TMEM45B: variants seen among roughly 807,000 people sequenced by gnomAD.
TMEM45B encodes the protein transmembrane protein 45B.
Under a neutral mutation model 27.3 loss-of-function variants are expected in TMEM45B, and 29 were observed. That is an observed-to-expected ratio of 1.06 (90% CI 0.79 to 1.45). The LOEUF is 1.45. TMEM45B is among the 40% of genes most tolerant of loss of function. The pLI is 0.00. For missense variants in TMEM45B, 348 were observed against 343.9 expected, an observed-to-expected ratio of 1.01 and a Z score of -0.09; for synonymous variants, 143 against 134.7, an observed-to-expected ratio of 1.06 and a Z score of -0.43.
intron 1 of TMEM45B, among the ~76,000 whole-genome samples, chr11:129,841,070 G>C (rs1471320090): frequency 1.3e-5 from 2 of 150,418 alleles, no homozygotes; most frequent in Non-Finnish European, 2.9e-5. Flanking sequence ...GCAAAAAATT[G>C]AGCAGCATTT....
chr11:129,841,765 T>A (rs1213961447), intron 1 of TMEM45B, among the ~76,000 whole-genome samples: 1 of 151,702 alleles, frequency 6.6e-6, no homozygotes, highest in Non-Finnish European at 1.5e-5. Context: ...CCCGGCTAAT[T>A]TTTTGTATTT....
At chr11:129,856,405 T>A (rs1947925800) in intron 4 of TMEM45B, among the ~76,000 whole-genome samples, 1 of 148,084 alleles carries the variant, frequency 6.8e-6, no homozygotes, top group Non-Finnish European at 1.5e-5. Context: ...GAGACAGGGT[T>A]TCACCATGTT....
At position 129,854,511 on chromosome 11, in the gene TMEM45B, C is replaced by T. The variant is rs544206815; in HGVS notation, c.179-99C>T. The T allele has an allele frequency of 6.3e-5, 79 of 1,253,484 alleles. No homozygotes were observed. The Middle Eastern group carries it at 2.4e-3, about 37-fold the overall frequency. The allele number at this position is 1,253,484 out of a possible 1,614,324, so 77.6% of individuals were successfully genotyped here. A position where few individuals can be genotyped will look rare whatever the true frequency, so the allele number is the denominator to read the frequency against. ...TGACCCGCGGGCCACCCTCACCTCA[C>T]CCCATCTCCGCTTCGCTCATGCCTT... is the stretch of plus-strand genomic sequence containing the variant. On this transcript the variant is annotated intron_variant, in intron 2 of 5. Transcript: ENST00000281441.
rs560091866 is a variant in TMEM45B at position 129,828,079 on chromosome 11, A to G, written c.-9+12181A>G. The G allele has an allele frequency of 4.6e-5, 7 of 152,352 alleles. No individual in the cohort carries two copies. The East Asian group carries it at 1.4e-3, about 29-fold the overall frequency. 9.4% of individuals were successfully genotyped at this position (152,352 alleles called of 1,614,324 possible). A position where few individuals can be genotyped will look rare whatever the true frequency, so the allele number is the denominator to read the frequency against. On this transcript the variant is annotated intron_variant, in intron 1 of 5. Transcript: ENST00000281441. ...GGCACCTGACTGTATACAGCTGTCT[A>G]CTAGATTATAAACTCCTTGCAGATA...
chr11:129,857,944 C>T (rs1019970153), intron 5 of TMEM45B, among the ~76,000 whole-genome samples: 1 of 152,214 alleles, frequency 6.6e-6, no homozygotes, highest in Non-Finnish European at 1.5e-5. Context: ...CTCCTATGCA[C>T]TTGCTGCGCC....
intron 1 of TMEM45B, among the ~76,000 whole-genome samples, chr11:129,823,944 T>C (rs576285873): frequency 1.9e-4 from 29 of 152,210 alleles, no homozygotes; most frequent in Admixed American, 3.9e-4. Flanking sequence ...AGCTTCTCTT[T>C]GATCTGTTCT....
chr11:129,847,471 G>A (rs946797367), intron 1 of TMEM45B, among the ~76,000 whole-genome samples: 5 of 150,820 alleles, frequency 3.3e-5, no homozygotes, highest in African/African-American at 1.2e-4. Flanking sequence ...ATTTGGCAGG[G>A]TCACAGGACA....
At chr11:129,852,055 C>T (rs898579069) in intron 1 of TMEM45B, among the ~76,000 whole-genome samples, 5 of 152,122 alleles carry the variant, frequency 3.3e-5, no homozygotes, top group Non-Finnish European at 7.3e-5. Flanking sequence ...AATGTAATAG[C>T]CAACTGCTAC....
chr11:129,819,902 C>T (rs1947397886), intron 1 of TMEM45B, among the ~76,000 whole-genome samples: 1 of 152,046 alleles, frequency 6.6e-6, no homozygotes, highest in Non-Finnish European at 1.5e-5. Flanking sequence ...TCTGGTAGCC[C>T]ACCCCAAAAG....
rs189614569 is a variant in TMEM45B, at chr11:129,858,534, A to C, written c.717-40A>C. On this transcript the variant is annotated intron_variant, in intron 5 of 5. Transcript: ENST00000281441. ...CACATCCTTGGTAATGGATTAAGGG[A>C]ATCTCTGGCTAATTGGCTCTTACTC... 38 of 1,445,196 alleles carry C rather than the reference A, an allele frequency of 2.6e-5. No homozygotes were observed. The East Asian group carries it at 8.9e-4, about 34-fold the overall frequency. 89.5% of individuals were successfully genotyped at this position (1,445,196 alleles called of 1,614,324 possible).
chr11:129,859,925 T>G lies in TMEM45B; in HGVS notation c.*1240T>G, dbSNP rs1947985535. The stretch of plus-strand genomic sequence containing the variant: ...CCTGAGATATGTGTCCAGCAAGGAG[T>G]TTACAGTCAAACAGGAGAGACATGC... On this transcript the variant is annotated 3_prime_UTR_variant, in exon 6 of 6. Coordinates refer to ENST00000281441, the MANE Select transcript of TMEM45B (RefSeq NM_138788.5). 1 of 152,114 alleles carries G rather than the reference T, an allele frequency of 6.6e-6. No individual in the cohort carries two copies. The highest frequency in any genetic ancestry group is 2.1e-4 in the South Asian group (1 of 4,808). 9.4% of individuals were successfully genotyped at this position (152,114 alleles called of 1,614,324 possible).
At chr11:129,852,406 T>G in intron 1 of TMEM45B, 69 bp from the exon 2 acceptor site, 1 of 1,423,470 alleles carries the variant, frequency 7.0e-7, no homozygotes, top group Non-Finnish European at 9.6e-7. Flanking sequence ...CGTATTGTGT[T>G]TCCTGCCAAA....
intron 1 of TMEM45B, among the ~76,000 whole-genome samples, chr11:129,840,953 A>AAAG (rs2135579929): frequency 6.8e-6 from 1 of 147,458 alleles, no homozygotes; most frequent in South Asian, 2.1e-4. Flanking sequence ...CTGTAAAAAA[A>AAAG]AAAAAAAAAA....
intron 1 of TMEM45B, among the ~76,000 whole-genome samples, chr11:129,836,652 C>T (rs1436123344): frequency 2.6e-5 from 4 of 152,148 alleles, no homozygotes; most frequent in Non-Finnish European, 5.9e-5. Context: ...AGAACACAGA[C>T]ACACACAAGA....
At chr11:129,820,060 T>C (rs958114788) in intron 1 of TMEM45B, among the ~76,000 whole-genome samples, 1 of 151,996 alleles carries the variant, frequency 6.6e-6, no homozygotes, top group African/African-American at 2.4e-5. Context: ...ACGCCTGTAA[T>C]TCCAGCATTT....
intron 2 of TMEM45B, among the ~76,000 whole-genome samples, 156 bp from the exon 3 acceptor site, chr11:129,854,454 C>T (rs1400871629): frequency 1.3e-5 from 2 of 152,224 alleles, no homozygotes; most frequent in Non-Finnish European, 2.9e-5. Flanking sequence ...TATACTGAAG[C>T]AGCTGCACCT....
intron 1 of TMEM45B, among the ~76,000 whole-genome samples, chr11:129,816,293 T>A (rs1369796599): frequency 6.6e-6 from 1 of 151,894 alleles, no homozygotes; most frequent in Non-Finnish European, 1.5e-5. Flanking sequence ...GTCTGCCCGG[T>A]GAGTCCGGGG....
chr11:129,852,701 A>T (rs755954262), intron 2 of TMEM45B, 41 bp downstream of exon 2: 7 of 1,564,828 alleles, frequency 4.5e-6, no homozygotes, highest in Non-Finnish European at 5.2e-6. Flanking sequence ...TCTCCTCATC[A>T]TACCCAGAAC....
chr11:129,829,932 G>A (rs1015265507), intron 1 of TMEM45B, among the ~76,000 whole-genome samples: 5 of 152,122 alleles, frequency 3.3e-5, no homozygotes, highest in African/African-American at 1.2e-4. Flanking sequence ...AATTCAATAG[G>A]GAAAAAGAAT....
Sources: gnomAD v4.1 joint callset for allele counts (sites outside exome capture counted in the v4.1 genomes callset) on GRCh38, gnomAD v4.1.1 for gene constraint, MANE v1.5 for transcripts, NCBI Gene and HGNC (gene_info 2026-07-23, HGNC 2026-07-21) for gene names.